Variants in BIN1 observed in about 807,000 individuals in gnomAD.
BIN1 encodes myc box-dependent-interacting protein 1.
A neutral mutation model predicts 82.0 loss-of-function variants in BIN1; 53 were observed. The ratio of observed to expected loss-of-function variants is 0.65; its 90% CI spans 0.52 to 0.81. BIN1 has a LOEUF of 0.81. Among genes scored for constraint, BIN1 ranks in the 40% least tolerant of loss-of-function variants. BIN1 has a pLI of 0.00. For missense variants in BIN1, 642 were observed against 784.4 expected (o/e 0.82, Z 2.17); for synonymous variants, 302 against 328.0 (o/e 0.92, Z 0.86).
At chr2:127,094,880 C>T (rs1444910919) in intron 1 of BIN1, among the ~76,000 whole-genome samples, 2 of 152,186 alleles carry the variant, frequency 1.3e-5, no homozygotes, top group African/African-American at 2.4e-5. Context: ...GCCCCGAATG[C>T]CCTCAGGAAA....
At chr2:127,054,159 A>G (rs1423305397) in intron 12 of BIN1, 147 bp from the exon 13 acceptor site, 3 of 703,992 alleles carry the variant, frequency 4.3e-6, no homozygotes, top group East Asian at 5.4e-5. Flanking sequence ...ACATACACGC[A>G]CACACGCTGG....
chr2:127,061,204 C>G (rs1185328906), intron 10 of BIN1, among the ~76,000 whole-genome samples: 3 of 132,950 alleles, frequency 2.3e-5, no homozygotes, highest in Non-Finnish European at 5.0e-5. Flanking sequence ...ACCCCCACCC[C>G]GCTACCCACC....
At chr2:127,099,755 G>T (rs979354263) in intron 1 of BIN1, among the ~76,000 whole-genome samples, 2 of 149,986 alleles carry the variant, frequency 1.3e-5, no homozygotes, top group African/African-American at 4.9e-5. Context: ...CTCGTGATCC[G>T]CCCGCCTCGG....
intron 1 of BIN1, among the ~76,000 whole-genome samples, chr2:127,086,862 C>G (rs772019983): frequency 3.9e-5 from 6 of 152,154 alleles, no homozygotes; most frequent in African/African-American, 1.2e-4. Context: ...GCCTCACCCC[C>G]ACATGGCGAT....
chr2:127,052,882 G>C (rs138735573), intron 14 of BIN1: 1 of 243,874 alleles, frequency 4.1e-6, no homozygotes, highest in African/African-American at 2.2e-5. Context: ...GCTATCAGGT[G>C]ACAGTGACAT....
chr2:127,105,396 G>C (rs1208843621), intron 1 of BIN1, among the ~76,000 whole-genome samples: 3 of 150,458 alleles, frequency 2.0e-5, no homozygotes, highest in Non-Finnish European at 4.4e-5. Flanking sequence ...GGCTGCATCT[G>C]TGCTGCCACC....
At position 127,057,682 on chromosome 2, in the gene BIN1, G is replaced by C; in HGVS notation, c.1003-81C>G. On this transcript the variant is annotated intron_variant, in intron 11 of 18. Transcript: ENST00000316724. The surrounding 1 kb of genome is among the most constrained non-coding windows in gnomAD (Gnocchi z 5.0). ...TTTGGGGGAGACAGACAGAGACAAA[G>C]CCACGGTTAGTCACACCTCAGGCCA... The C allele has an allele frequency of 7.0e-7, 1 of 1,424,658 alleles. No individual in the cohort carries two copies. Among genetic ancestry groups the C allele is most frequent in the Non-Finnish European group, 9.2e-7 (1 of 1,083,834 alleles). 88.3% of individuals were successfully genotyped at this position (1,424,658 alleles called of 1,614,324 possible). A position where few individuals can be genotyped will look rare whatever the true frequency, so the allele number is the denominator to read the frequency against.
At chr2:127,096,520 G>A (rs1679625748) in intron 1 of BIN1, among the ~76,000 whole-genome samples, 1 of 152,192 alleles carries the variant, frequency 6.6e-6, no homozygotes, top group African/African-American at 2.4e-5. Flanking sequence ...CGGGGGAGCA[G>A]CCCCAAGGGG....
intron 1 of BIN1, among the ~76,000 whole-genome samples, chr2:127,083,813 T>G (rs1459699781): frequency 6.6e-6 from 1 of 152,218 alleles, no homozygotes; most frequent in Non-Finnish European, 1.5e-5. Flanking sequence ...ACTTGGAGAA[T>G]GCCCCACACT....
chr2:127,061,331 C>A (rs1684458402), intron 10 of BIN1, among the ~76,000 whole-genome samples: 1 of 152,136 alleles, frequency 6.6e-6, no homozygotes. Context: ...GGGCAATCAC[C>A]ACCACCCGAT....
At position 127,082,901 on chromosome 2, in the gene BIN1, G is replaced by A. The variant is rs1687479871; in HGVS notation, c.85-6195C>T. Among the ~76,000 whole-genome samples the A allele has an allele frequency of 1.3e-5, 2 of 151,736 alleles. No individual in the cohort carries two copies. Among genetic ancestry groups the A allele is most frequent in the African/African-American group, 4.9e-5 (2 of 41,230 alleles). On this transcript the variant is annotated intron_variant, in intron 1 of 18. Coordinates refer to ENST00000316724, the MANE Select transcript of BIN1 (RefSeq NM_139343.3). The surrounding 1 kb of genome is among the most constrained non-coding windows in gnomAD (Gnocchi z 6.1). ...AGCCCTGACGAGAGAGCAGAGGGAG[G>A]AAAAGAGGTTCTAAGCCCACCACTC... is the stretch of plus-strand genomic sequence containing the variant.
intron 1 of BIN1, among the ~76,000 whole-genome samples, chr2:127,098,214 A>C (rs1401101363): frequency 6.6e-6 from 1 of 152,200 alleles, no homozygotes; most frequent in Non-Finnish European, 1.5e-5. Flanking sequence ...ATATTTCAGG[A>C]GCCAGCGGGG....
In BIN1 at chr2:127,082,573, G is replaced by A. The variant is rs1687434342; in HGVS notation, c.85-5867C>T. 6.6e-6 allele frequency among the ~76,000 whole-genome samples: 1 copy of A among 152,154 alleles called. No individual in the cohort carries two copies. The highest frequency in any genetic ancestry group is 1.5e-5 in the Non-Finnish European group (1 of 68,034). On this transcript the variant is annotated intron_variant, in intron 1 of 18. Coordinates refer to ENST00000316724, the MANE Select transcript of BIN1 (RefSeq NM_139343.3). This position sits in a 1 kb window ranked among gnomAD's most constrained non-coding sequence, Gnocchi z 6.1. ...CCTGCTGTCTGACACATCAGGCTGG[G>A]GTGGCAGTGGTGAAAGGGGTACAAT...
rs1031325371 is a variant in BIN1 at position 127,064,658 on chromosome 2, G to A, written c.613-640C>T. On this transcript the variant is annotated intron_variant, in intron 7 of 18. Coordinates refer to ENST00000316724, the MANE Select transcript of BIN1 (RefSeq NM_139343.3). ...CTCTAGGAATGTCAGGGGGACCCTAGAGGAGGGTGCAGGGCCAGGGAGGAG... is the reference window on the plus strand; with the variant it reads ...CTCTAGGAATGTCAGGGGGACCCTAAAGGAGGGTGCAGGGCCAGGGAGGAG... 107 of 174,580 alleles carry A rather than the reference G, an allele frequency of 6.1e-4. 5 individuals carry two copies. Among genetic ancestry groups the A allele is most frequent in the Non-Finnish European group, 1.9e-4 (15 of 80,588 alleles). The allele number at this position is 174,580 out of a possible 1,614,324, so 10.8% of individuals were successfully genotyped here.
chr2:127,058,297 G>A (rs930080309), intron 11 of BIN1, among the ~76,000 whole-genome samples: 6 of 152,166 alleles, frequency 3.9e-5, no homozygotes, highest in South Asian at 2.1e-4. Context: ...TGTCCAGGCC[G>A]GGGGAAGTGC....
intron 10 of BIN1, among the ~76,000 whole-genome samples, chr2:127,061,132 C>T (rs1269826406): frequency 6.6e-6 from 1 of 152,124 alleles, no homozygotes; most frequent in African/African-American, 2.4e-5. Context: ...CCTGTGCCTA[C>T]AGGCCAGGCA....
At chr2:127,092,204 C>G (rs1048028347) in intron 1 of BIN1, among the ~76,000 whole-genome samples, 13 of 152,144 alleles carry the variant, frequency 8.5e-5, no homozygotes, top group African/African-American at 2.9e-4. Context: ...GCTTCCTCCC[C>G]CTAACCCTGC....
At chr2:127,063,690 C>T in intron 8 of BIN1, 44 bp from the exon 9 acceptor site, 1 of 1,596,456 alleles carries the variant, frequency 6.3e-7, no homozygotes, top group Non-Finnish European at 8.6e-7. Context: ...ACAGGCAGGT[C>T]AGGACAGCAA....
chr2:127,092,986 TAAA>T (rs5834164), intron 1 of BIN1, among the ~76,000 whole-genome samples: 1 of 131,928 alleles, frequency 7.6e-6, no homozygotes, highest in South Asian at 2.4e-4. Flanking sequence ...CCAATCCCTC[TAAA>T]AAAAAAAAAA....
Sources: gnomAD v4.1 joint callset for allele counts (sites outside exome capture counted in the v4.1 genomes callset) on GRCh38, gnomAD v4.1.1 for gene constraint, Gnocchi (gnomAD v3.1) non-coding constraint, MANE v1.5 for transcripts, NCBI Gene and HGNC (gene_info 2026-07-23, HGNC 2026-07-21) for gene names.